The following FOXP2 variants were observed in gnomAD, a reference collection of about 807,000 sequenced individuals.
FOXP2 encodes forkhead box protein P2.
A neutral mutation model predicts 115.8 loss-of-function variants in FOXP2; 12 were observed. The ratio of observed to expected loss-of-function variants is 0.10; its 90% CI spans 0.07 to 0.17. FOXP2 has a LOEUF of 0.17. FOXP2 is among the 10% of genes least tolerant of loss of function. The pLI is 1.00. For synonymous variants in FOXP2, 328 were observed against 297.7 expected (o/e 1.10, Z -1.05); for missense variants, 629 against 843.5 (o/e 0.75, Z 3.15).
intron 3 of FOXP2, among the ~76,000 whole-genome samples, chr7:114,539,077 A>T (rs766905864): frequency 3.9e-5 from 6 of 151,916 alleles, no homozygotes; most frequent in Non-Finnish European, 5.9e-5. Flanking sequence ...TTACTTTACT[A>T]TTTCATTCCA....
chr7:114,277,007 T>C (rs909204511), intron 1 of FOXP2, among the ~76,000 whole-genome samples: 13 of 152,280 alleles, frequency 8.5e-5, no homozygotes, highest in African/African-American at 3.1e-4. Flanking sequence ...AAATGGTATA[T>C]ACAGCATTAA....
intron 13 of FOXP2, 160 bp from the exon 14 acceptor site, chr7:114,661,905 A>C: frequency 1.2e-6 from 1 of 828,434 alleles, no homozygotes; most frequent in East Asian, 2.9e-5. Flanking sequence ...AGTAATTTGT[A>C]AGTTTGAGGT....
At chr7:114,238,513 C>T (rs1234427605) in intron 1 of FOXP2, among the ~76,000 whole-genome samples, 3 of 152,192 alleles carry the variant, frequency 2.0e-5, no homozygotes, top group African/African-American at 7.2e-5. Flanking sequence ...TGGCTCACGC[C>T]TGCAGTCCCA....
intron 16 of FOXP2, among the ~76,000 whole-genome samples, chr7:114,679,836 T>C (rs988031768): frequency 1.3e-5 from 2 of 152,198 alleles, no homozygotes; most frequent in African/African-American, 4.8e-5. Context: ...TTATAATACT[T>C]TACCTACTGT....
intron 2 of FOXP2, among the ~76,000 whole-genome samples, chr7:114,518,243 T>C (rs1798439923): frequency 6.6e-6 from 1 of 152,178 alleles, no homozygotes; most frequent in African/African-American, 2.4e-5. Flanking sequence ...AAATATACTT[T>C]TAAGCAAAGG....
chr7:114,635,370 T>C (rs1194480378), intron 6 of FOXP2, among the ~76,000 whole-genome samples: 1 of 152,160 alleles, frequency 6.6e-6, no homozygotes, highest in African/African-American at 2.4e-5. Flanking sequence ...ATCCATGTCA[T>C]GCAAAAATAT....
intron 3 of FOXP2, among the ~76,000 whole-genome samples, chr7:114,602,782 C>T (rs1305801739): frequency 1.3e-5 from 2 of 152,044 alleles, no homozygotes; most frequent in African/African-American, 4.8e-5. Flanking sequence ...ATTTATTTTA[C>T]CTATTTTAAT....
intron 1 of FOXP2, among the ~76,000 whole-genome samples, chr7:114,180,807 T>TCTAAACTTTTAGCC (rs1793436241): frequency 6.6e-6 from 1 of 151,996 alleles, no homozygotes; most frequent in Admixed American, 6.6e-5. Context: ...ACTGATGCTA[T>TCTAAACTTTTAGCC]CCTAGTCTAA....
Position 114,154,666 on chromosome 7 carries a change from A to T in FOXP2, c.-246-8278A>T, listed in dbSNP as rs567393038. 1.6e-4 allele frequency among the ~76,000 whole-genome samples: 24 copies of T among 152,252 alleles called. No individual in the cohort carries two copies. The South Asian group carries it at 4.8e-3, about 30-fold the overall frequency. ...AGAATATTGGTATGTTCTACTTTTG[A>T]TTAAATATATTATTTAATGGAAATT... is the stretch of plus-strand genomic sequence containing the variant. On this transcript the variant is annotated intron_variant, in intron 1 of 19. Transcript: ENST00000635638.
chr7:114,631,821 T>G, intron 6 of FOXP2, 116 bp downstream of exon 6: 2 of 1,028,424 alleles, frequency 1.9e-6, no homozygotes, highest in South Asian at 2.8e-5. Flanking sequence ...AATTTATTAT[T>G]AAAACGTGAT....
At chr7:114,315,477 T>C (rs552435866) in intron 2 of FOXP2, among the ~76,000 whole-genome samples, 2 of 152,306 alleles carry the variant, frequency 1.3e-5, no homozygotes, top group East Asian at 3.9e-4. Context: ...TGAATGTAAA[T>C]GTTGACCATA....
At position 114,676,209 on chromosome 7, in the gene FOXP2, G is replaced by T. The variant is rs370784584; in HGVS notation, c.2003+11773G>T. 4.3e-4 allele frequency among the ~76,000 whole-genome samples: 65 copies of T among 151,618 alleles called. 1 individual carries two copies. In the East Asian group the frequency reaches 0.01, roughly 24 times the overall value. ...CTCCCAAAGTGCTGGGATTATAGGC[G>T]TGAGCCACTGTACCCGGCCTAAAAC... is the stretch of plus-strand genomic sequence containing the variant. On this transcript the variant is annotated intron_variant, in intron 16 of 16. Coordinates refer to ENST00000350908, the MANE Select transcript of FOXP2 (RefSeq NM_014491.4).
At chr7:114,629,406 T>C (rs1354541060) in intron 4 of FOXP2, among the ~76,000 whole-genome samples, 1 of 152,188 alleles carries the variant, frequency 6.6e-6, no homozygotes, top group Non-Finnish European at 1.5e-5. Context: ...TCTGAACATC[T>C]GATGGATTAA....
At chr7:114,511,910 A>C (rs1317357856) in intron 2 of FOXP2, among the ~76,000 whole-genome samples, 1 of 152,166 alleles carries the variant, frequency 6.6e-6, no homozygotes, top group African/African-American at 2.4e-5. Context: ...AATTTTCAGT[A>C]ATATGGCTTA....
At chr7:114,216,249 C>A (rs1187681719) in intron 1 of FOXP2, among the ~76,000 whole-genome samples, 1 of 152,174 alleles carries the variant, frequency 6.6e-6, no homozygotes, top group African/African-American at 2.4e-5. Context: ...AGGAATAGAG[C>A]TTCCACACAA....
chr7:114,118,118 A>G (rs527889819), intron 1 of FOXP2, among the ~76,000 whole-genome samples: 1 of 152,270 alleles, frequency 6.6e-6, no homozygotes, highest in African/African-American at 2.4e-5. Context: ...ATAGCTGTAC[A>G]TATTTCCAGT....
rs1395543072 is a variant in FOXP2 at position 114,692,877 on chromosome 7, C to A, written c.*2951C>A. On this transcript the variant is annotated 3_prime_UTR_variant, in exon 17 of 17. Transcript: ENST00000350908. Reference sequence around the variant, plus strand: ...TTTTGATACTTTTCATTACTGTGTACTATGTTCATACTTTGAATTCTCTGA... The same window carrying A: ...TTTTGATACTTTTCATTACTGTGTAATATGTTCATACTTTGAATTCTCTGA... 4.4e-6 allele frequency: 2 copies of A among 453,890 alleles called. No homozygotes were observed. The highest frequency in any genetic ancestry group is 8.8e-6 in the Non-Finnish European group (2 of 226,626). 28.1% of individuals were successfully genotyped at this position (453,890 alleles called of 1,614,324 possible).
At chr7:114,260,613 A>G (rs1795724208) in intron 1 of FOXP2, among the ~76,000 whole-genome samples, 1 of 152,170 alleles carries the variant, frequency 6.6e-6, no homozygotes, top group Non-Finnish European at 1.5e-5. Context: ...GAATATTGAA[A>G]CAAACATTTT....
intron 4 of FOXP2, 174 bp from the exon 5 acceptor site, chr7:114,629,631 T>A: frequency 6.3e-7 from 1 of 1,584,836 alleles, no homozygotes; most frequent in Non-Finnish European, 8.5e-7. Flanking sequence ...CAGAGCTGCC[T>A]TGGAAAAAAA....
Sources: gnomAD v4.1 joint callset for allele counts (sites outside exome capture counted in the v4.1 genomes callset) on GRCh38, gnomAD v4.1.1 for gene constraint, MANE v1.5 for transcripts, NCBI Gene and HGNC (gene_info 2026-07-23, HGNC 2026-07-21) for gene names.